The following PTPN21 variants were observed in gnomAD, a reference collection of about 807,000 sequenced individuals.
PTPN21 encodes the protein tyrosine-protein phosphatase non-receptor type 21.
Under a neutral mutation model 131.8 loss-of-function variants are expected in PTPN21, and 77 were observed. The ratio of observed to expected loss-of-function variants is 0.58; its 90% confidence interval spans 0.49 to 0.71. The LOEUF is 0.71. Ranked by LOEUF, PTPN21 falls within the 30% of genes least tolerant of loss-of-function variation. PTPN21 has a pLI of 0.00. For missense variants in PTPN21, 1,552 were observed against 1,527.1 expected (o/e 1.02, Z -0.27); for synonymous variants, 715 against 621.3 (o/e 1.15, Z -2.24).
intron 3 of PTPN21, among the ~76,000 whole-genome samples, chr14:88,509,317 T>C (rs1298192727): frequency 6.6e-6 from 1 of 152,226 alleles, no homozygotes; most frequent in African/African-American, 2.4e-5. Flanking sequence ...GAATCCAAAC[T>C]GTCCTCCGTA....
At chr14:88,517,667 C>T (rs1398187399) in intron 2 of PTPN21, among the ~76,000 whole-genome samples, 14 of 5,826 alleles carry the variant, frequency 2.4e-3, no homozygotes, top group East Asian at 0.021. Flanking sequence ...TATACACATA[C>T]ACACACATAT....
At chr14:88,477,185 C>T (rs1460538477) in intron 13 of PTPN21, among the ~76,000 whole-genome samples, 1 of 152,076 alleles carries the variant, frequency 6.6e-6, no homozygotes, top group East Asian at 1.9e-4. Flanking sequence ...AAGGCATTGG[C>T]CTTTACTGTT....
chr14:88,470,125 A>G, intron 15 of PTPN21, 75 bp from the exon 16 acceptor site: 1 of 1,462,692 alleles, frequency 6.8e-7, no homozygotes, highest in Non-Finnish European at 9.3e-7. Flanking sequence ...CATTCATGGT[A>G]GTACTAAAAA....
At chr14:88,554,016 C>T (rs528390106) in intron 1 of PTPN21, among the ~76,000 whole-genome samples, 56 of 152,260 alleles carry the variant, frequency 3.7e-4, no homozygotes, top group Non-Finnish European at 2.2e-4. Flanking sequence ...AAATTACTGT[C>T]GTGTCCCAAA....
At chr14:88,546,116 A>G (rs778362774) in intron 2 of PTPN21, among the ~76,000 whole-genome samples, 2 of 152,066 alleles carry the variant, frequency 1.3e-5, no homozygotes, top group Non-Finnish European at 2.9e-5. Flanking sequence ...GTTGCTTTTA[A>G]TTTAATACAA....
rs11384622 is a variant in PTPN21, at chr14:88,492,027, C to CAA, written c.932+4384_932+4385dup. On this transcript the variant is annotated intron_variant, in intron 10 of 18. Transcript: ENST00000556564. The stretch of plus-strand genomic sequence containing the variant: ...TTACTTATTACAAGTTGTTAATTTG[C>CAA]AAAAAAAAAAACACAAAACAAAACA... Among the ~76,000 whole-genome samples, 467 of 141,078 alleles carry CAA rather than the reference C, an allele frequency of 3.3e-3. 1 individual carries two copies. The highest frequency in any genetic ancestry group is 7.1e-3 in the Middle Eastern group (2 of 282). The allele number at this position is 141,078 out of a possible 152,430, so 92.6% of individuals were successfully genotyped here. A position where few individuals can be genotyped will look rare whatever the true frequency, so the allele number is the denominator to read the frequency against.
At chr14:88,536,500 A>G (rs2078633547) in intron 2 of PTPN21, among the ~76,000 whole-genome samples, 1 of 152,224 alleles carries the variant, frequency 6.6e-6, no homozygotes, top group African/African-American at 2.4e-5. Flanking sequence ...AGCAAAAGAG[A>G]GTTTACAAAT....
intron 18 of PTPN21, 74 bp downstream of exon 18, chr14:88,468,842 T>C (rs77476970): frequency 0.014 from 21,718 of 1,586,954 alleles, 192 homozygotes; most frequent in Non-Finnish European, 0.016. Flanking sequence ...AAAAGAGCTA[T>C]TAAGTCACTA....
rs1261790094 is a variant in PTPN21, at chr14:88,509,229, C to A, written c.351-1209G>T. ...TTACTGGGGTCTATTATATGTTAAG[C>A]ATTATTCTAGATGCTGGGGATACCG... On this transcript the variant is annotated intron_variant, in intron 3 of 18. Transcript: ENST00000556564. 3.3e-5 allele frequency among the ~76,000 whole-genome samples: 5 copies of A among 152,122 alleles called. No individual in the cohort carries two copies. In the East Asian group the frequency reaches 9.6e-4, roughly 29 times the overall value.
chr14:88,533,886 T>C (rs751717628), intron 2 of PTPN21, among the ~76,000 whole-genome samples: 5 of 151,652 alleles, frequency 3.3e-5, no homozygotes, highest in African/African-American at 7.3e-5. Context: ...AAAAAAACAG[T>C]GAACTGGAAA....
chr14:88,524,459 T>C (rs766521249), intron 2 of PTPN21, among the ~76,000 whole-genome samples: 1 of 152,128 alleles, frequency 6.6e-6, no homozygotes, highest in East Asian at 1.9e-4. Flanking sequence ...CCATACCATA[T>C]ATAAAAATTA....
chr14:88,467,652 A>G lies in PTPN21; in HGVS notation c.*485T>C, dbSNP rs1036684801. The G allele has an allele frequency of 1.3e-5, 2 of 152,628 alleles. No homozygotes were observed. The highest frequency in any genetic ancestry group is 4.8e-5 in the African/African-American group (2 of 41,472). 9.5% of individuals were successfully genotyped at this position (152,628 alleles called of 1,614,324 possible). A position where few individuals can be genotyped will look rare whatever the true frequency, so the allele number is the denominator to read the frequency against. On this transcript the variant is annotated 3_prime_UTR_variant, in exon 19 of 19. Coordinates refer to ENST00000556564, the MANE Select transcript of PTPN21 (RefSeq NM_007039.4). ...CAAAAGATAATAACATGATTTTTAAATACAAAGTTATATAGGAGCAACTCA... is the reference window on the plus strand; with the variant it reads ...CAAAAGATAATAACATGATTTTTAAGTACAAAGTTATATAGGAGCAACTCA...
chr14:88,498,279 A>G (rs1226329731), intron 8 of PTPN21, among the ~76,000 whole-genome samples: 1 of 151,804 alleles, frequency 6.6e-6, no homozygotes, highest in African/African-American at 2.4e-5. Flanking sequence ...CTGTCTCAAA[A>G]AAAACCAAAA....
intron 10 of PTPN21, among the ~76,000 whole-genome samples, chr14:88,486,055 T>C (rs2077727512): frequency 1.3e-5 from 2 of 151,454 alleles, no homozygotes; most frequent in South Asian, 2.1e-4. Context: ...ACCTGCCCTG[T>C]GGTTTCAGGC....
chr14:88,473,498 T>G (rs1163240289), intron 14 of PTPN21, among the ~76,000 whole-genome samples, 167 bp downstream of exon 14: 1 of 152,130 alleles, frequency 6.6e-6, no homozygotes, highest in Non-Finnish European at 1.5e-5. Flanking sequence ...TATTAAGACA[T>G]TAGCTATACA....
chr14:88,467,009 C>CA lies in PTPN21; in HGVS notation c.*1127dup, dbSNP rs1445537550. On this transcript the variant is annotated 3_prime_UTR_variant, in exon 19 of 19. Transcript: ENST00000556564. The stretch of plus-strand genomic sequence containing the variant: ...AAAGCCCCAAGGAAACGGAGTAAGT[C>CA]ACTGGCGGTCACAGGACTTGAATTC... 6.6e-6 allele frequency: 1 copy of CA among 152,166 alleles called. No homozygotes were observed. The highest frequency in any genetic ancestry group is 1.5e-5 in the Non-Finnish European group (1 of 68,038). 9.4% of individuals were successfully genotyped at this position (152,166 alleles called of 1,614,324 possible). A position where few individuals can be genotyped will look rare whatever the true frequency, so the allele number is the denominator to read the frequency against.
intron 2 of PTPN21, among the ~76,000 whole-genome samples, chr14:88,532,236 A>G (rs2078565068): frequency 6.6e-6 from 1 of 152,120 alleles, no homozygotes; most frequent in Non-Finnish European, 1.5e-5. Context: ...ATAGAGAAAG[A>G]GGGAATCCTC....
At chr14:88,502,899 T>C (rs1268200451) in intron 6 of PTPN21, among the ~76,000 whole-genome samples, 1 of 152,086 alleles carries the variant, frequency 6.6e-6, no homozygotes, top group Non-Finnish European at 1.5e-5. Context: ...TCTAGGGAGA[T>C]TAATCTTTTG....
intron 3 of PTPN21, among the ~76,000 whole-genome samples, chr14:88,511,318 C>A (rs1480956976): frequency 1.3e-5 from 2 of 152,086 alleles, no homozygotes; most frequent in Non-Finnish European, 2.9e-5. Context: ...TTAAAAAAAC[C>A]TTTTTGCTAA....
Sources: allele counts gnomAD v4.1 joint callset (sites outside exome capture counted in the v4.1 genomes callset), GRCh38; gene constraint gnomAD v4.1.1; transcripts MANE v1.5; gene names NCBI Gene and HGNC (gene_info 2026-07-23, HGNC 2026-07-21).